PLCE1: variants seen among roughly 807,000 people sequenced by gnomAD.
PLCE1 encodes the protein phospholipase C epsilon 1, also known as 1-phosphatidylinositol 4,5-bisphosphate phosphodiesterase epsilon-1.
PLCE1 carries 119 observed loss-of-function variants against 242.8 expected under a neutral mutation model. The ratio of observed to expected loss-of-function variants is 0.49; its 90% CI spans 0.42 to 0.57. PLCE1 has a LOEUF of 0.57. PLCE1 is among the 20% of genes least tolerant of loss of function. The pLI, the probability that PLCE1 is intolerant of heterozygous loss-of-function variation, is 0.00. For missense variants in PLCE1, 2,441 were observed against 2,788.8 expected (o/e 0.88, Z 2.81); for synonymous variants, 945 against 1,017.4 (o/e 0.93, Z 1.35).
chr10:94,167,503 G>A (rs947857744), intron 3 of PLCE1, among the ~76,000 whole-genome samples: 1 of 136,552 alleles, frequency 7.3e-6, no homozygotes, highest in African/African-American at 2.5e-5. Context: ...GCACATAGTA[G>A]GCACTCTTTT....
chr10:94,075,632 G>T (rs938730527), intron 2 of PLCE1, among the ~76,000 whole-genome samples: 36 of 152,222 alleles, frequency 2.4e-4, no homozygotes, highest in African/African-American at 8.4e-4. Context: ...TGAATGAAGG[G>T]AATATTTGGA....
intron 1 of PLCE1, among the ~76,000 whole-genome samples, chr10:94,027,853 T>TA (rs2134450419): frequency 6.8e-6 from 1 of 147,974 alleles, no homozygotes; most frequent in South Asian, 2.1e-4. Context: ...ATAAATAAGA[T>TA]AAAAAATAAA....
At chr10:94,121,470 C>T (rs960564602) in intron 2 of PLCE1, among the ~76,000 whole-genome samples, 4 of 152,140 alleles carry the variant, frequency 2.6e-5, no homozygotes, top group Non-Finnish European at 5.9e-5. Context: ...TACCTGAGGT[C>T]CTCAGGCCAG....
At chr10:94,302,820 C>G (rs768883745) in intron 24 of PLCE1, among the ~76,000 whole-genome samples, 8 of 152,152 alleles carry the variant, frequency 5.3e-5, no homozygotes, top group Non-Finnish European at 8.8e-5. Context: ...GGTGTCTGGT[C>G]CTTAGTAAGA....
intron 17 of PLCE1, among the ~76,000 whole-genome samples, chr10:94,269,885 G>T (rs1400473929): frequency 6.6e-6 from 1 of 152,118 alleles, no homozygotes; most frequent in East Asian, 1.9e-4. Flanking sequence ...TCATTCAGAG[G>T]GTCTTAGGCT....
rs1426952286 is a variant in PLCE1 at position 94,039,116 on chromosome 10, C to T, written c.1206+6864C>T. ...AATATTTCATTGTATGATTATGCCC[C>T]ATTTTATTTATCTGTTCATCAATTG... On this transcript the variant is annotated intron_variant, in intron 2 of 32. Transcript: ENST00000371380. 2.6e-5 allele frequency among the ~76,000 whole-genome samples: 4 copies of T among 152,274 alleles called. 1 individual carries two copies. The highest frequency in any genetic ancestry group is 2.1e-4 in the South Asian group (1 of 4,822).
intron 3 of PLCE1, among the ~76,000 whole-genome samples, chr10:94,170,198 G>A (rs977613835): frequency 5.3e-5 from 8 of 152,192 alleles, no homozygotes; most frequent in Non-Finnish European, 1.0e-4. Context: ...TCCAGGAAGA[G>A]AATGAGTGAC....
chr10:94,114,560 A>G (rs2046057976), intron 2 of PLCE1, among the ~76,000 whole-genome samples: 1 of 152,148 alleles, frequency 6.6e-6, no homozygotes, highest in African/African-American at 2.4e-5. Context: ...ACTTCCTTTT[A>G]TGCTTGGATT....
chr10:94,245,653 A>G (rs2050653586), intron 7 of PLCE1, among the ~76,000 whole-genome samples: 1 of 151,994 alleles, frequency 6.6e-6, no homozygotes, highest in Non-Finnish European at 1.5e-5. Context: ...TGCCTGACTG[A>G]TTTTTGTATT....
intron 4 of PLCE1, among the ~76,000 whole-genome samples, chr10:94,212,148 G>T (rs571295566): frequency 1.3e-5 from 2 of 152,132 alleles, no homozygotes; most frequent in African/African-American, 2.4e-5. Flanking sequence ...GTGCAGTGGC[G>T]TGATCTCGGC....
At chr10:94,033,345 T>A (rs1357300502) in intron 2 of PLCE1, among the ~76,000 whole-genome samples, 2 of 152,038 alleles carry the variant, frequency 1.3e-5, no homozygotes, top group Non-Finnish European at 2.9e-5. Context: ...ATTTTAGCAC[T>A]GTAAATTCCA....
At chr10:94,280,996 C>T (rs1384412967) in intron 20 of PLCE1, among the ~76,000 whole-genome samples, 1 of 152,206 alleles carries the variant, frequency 6.6e-6, no homozygotes, top group Non-Finnish European at 1.5e-5. Context: ...AATTAAAAGC[C>T]AGTTTGCTAC....
At chr10:94,055,011 CAA>C (rs71306823) in intron 2 of PLCE1, among the ~76,000 whole-genome samples, 9 of 91,184 alleles carry the variant, frequency 9.9e-5, no homozygotes, top group Admixed American at 2.6e-4. Context: ...GACTCCATCT[CAA>C]AAAAAAAAAA....
chr10:94,265,946 A>G lies in PLCE1; in HGVS notation c.4269A>G (p.Glu1423=). 6.2e-7 allele frequency: 1 copy of G among 1,614,006 alleles called. No individual in the cohort carries two copies. The change falls in exon 16 of 33, where the codon GAA becomes GAG. Residue 1423 remains glutamate (E), a synonymous_variant. Transcript: ENST00000371380. ...GHQLKGESSV[E]LYSQVLLQGC... ...AGCTCAAAGGAGAATCCTCGGTAGA[A>G]CTCTACAGCCAGGTACAGGGAATGC...
chr10:94,163,865 C>A (rs1357412788), intron 3 of PLCE1, among the ~76,000 whole-genome samples: 1 of 152,166 alleles, frequency 6.6e-6, no homozygotes, highest in Non-Finnish European at 1.5e-5. Flanking sequence ...GTGACAAAAT[C>A]TCTTAGCATT....
chr10:94,080,496 G>A (rs1490111909), intron 2 of PLCE1, among the ~76,000 whole-genome samples: 2 of 152,172 alleles, frequency 1.3e-5, no homozygotes, highest in African/African-American at 4.8e-5. Flanking sequence ...TTTCATTTCA[G>A]TGCAATGACT....
At chr10:94,221,566 A>G (rs1276910866) in intron 4 of PLCE1, among the ~76,000 whole-genome samples, 1 of 152,164 alleles carries the variant, frequency 6.6e-6, no homozygotes, top group East Asian at 1.9e-4. Context: ...GAGAAACCCC[A>G]TCTTTCTAAA....
At chr10:94,062,594 G>A (rs79643875) in intron 2 of PLCE1, among the ~76,000 whole-genome samples, 1 of 66,906 alleles carries the variant, frequency 1.5e-5, no homozygotes, top group Non-Finnish European at 2.9e-5. Context: ...TTTTTTTTTT[G>A]TTTTGTTTTG....
intron 1 of PLCE1, among the ~76,000 whole-genome samples, chr10:93,996,211 C>T (rs1205356180): frequency 1.3e-5 from 2 of 152,232 alleles, no homozygotes; most frequent in East Asian, 3.8e-4. Flanking sequence ...TGCCTTCTCT[C>T]TCTGCCGGAA....
Sources: gnomAD v4.1 joint callset for allele counts (sites outside exome capture counted in the v4.1 genomes callset) on GRCh38, gnomAD v4.1.1 for gene constraint, MANE v1.5 for transcripts, NCBI Gene and HGNC (gene_info 2026-07-23, HGNC 2026-07-21) for gene names.